MYT1L: variants seen among roughly 807,000 people sequenced by gnomAD.
MYT1L encodes myelin transcription factor 1 like, also known as myelin transcription factor 1-like protein.
MYT1L carries 12 observed loss-of-function variants against 126.7 expected under a neutral mutation model. The observed-to-expected ratio is 0.09, with a 90% CI of 0.06 to 0.15. The LOEUF (loss-of-function observed/expected upper bound fraction) is 0.15, where lower values mean the gene tolerates loss of function less well. MYT1L is among the 10% of genes least tolerant of loss of function. MYT1L has a pLI of 1.00. For missense variants in MYT1L, 979 were observed against 1,585.2 expected, an observed-to-expected ratio of 0.62 and a Z score of 6.49; for synonymous variants, 541 against 604.2, an observed-to-expected ratio of 0.90 and a Z score of 1.53.
At chr2:1,796,065 AT>A (rs2033426176) in intron 23 of MYT1L, among the ~76,000 whole-genome samples, 1 of 152,234 alleles carries the variant, frequency 6.6e-6, no homozygotes, top group African/African-American at 2.4e-5. Context: ...GAATAACAGC[AT>A]TTTGTAACAT....
Position 1,852,710 on chromosome 2 carries a change from CA to C in MYT1L, c.2712-1008del, listed in dbSNP as rs2043431882. Among the ~76,000 whole-genome samples the C allele has an allele frequency of 6.6e-6, 1 of 151,940 alleles. No homozygotes were observed. The highest frequency in any genetic ancestry group is 1.5e-5 in the Non-Finnish European group (1 of 67,974). Reference sequence around the variant, plus strand: ...TATTTCCATTACATTTGTAATTCTCCAAAAATGACAAGGAGAAAGCAACTTA... The same window carrying C: ...TATTTCCATTACATTTGTAATTCTCCAAAATGACAAGGAGAAAGCAACTTA... On this transcript the variant is annotated intron_variant, in intron 18 of 24. Transcript: ENST00000647738. The surrounding 1 kb of genome is among the most constrained non-coding windows in gnomAD (Gnocchi z 4.0).
At chr2:2,266,475 A>C (rs1281236122) in intron 2 of MYT1L, among the ~76,000 whole-genome samples, 2 of 152,182 alleles carry the variant, frequency 1.3e-5, no homozygotes, top group Non-Finnish European at 2.9e-5. Context: ...CCAAAGTAGT[A>C]AAAATATTGA....
At chr2:1,925,825 A>C (rs1005787049) in intron 9 of MYT1L, among the ~76,000 whole-genome samples, 1 of 152,164 alleles carries the variant, frequency 6.6e-6, no homozygotes, top group Non-Finnish European at 1.5e-5. Context: ...TAATTGTGTG[A>C]TGCTGGTGAC....
intron 4 of MYT1L, among the ~76,000 whole-genome samples, chr2:2,037,582 C>A (rs886952372): frequency 1.3e-5 from 2 of 151,580 alleles, no homozygotes; most frequent in Non-Finnish European, 2.9e-5. Context: ...ATGGCGAAAC[C>A]CCATCTCTAC....
In MYT1L at chr2:1,922,846, T is replaced by G. The variant is rs1478122496; in HGVS notation, c.923A>C (p.Asn308Thr). The part of the protein sequence containing the change: ...NYVMLGKPMN[N>T]GLMEKMVEES... ...CTCCACCATCTTTTCCATGAGTCCG[T>G]TGTTCATGGGCTTCCCCAACATGAC... The change falls in exon 10 of 25, where the codon AAC (asparagine) becomes ACC (threonine). Residue 308 changes from asparagine (N) to threonine (T), a missense_variant. Physicochemically the swap from Asn to Thr is moderately conservative, Grantham distance 65. This residue lies in a region of MYT1L where 243 missense variants were observed against 363.9 expected (regional missense o/e 0.67). Transcript: ENST00000647738. This position sits in a 1 kb window ranked among gnomAD's most constrained non-coding sequence, Gnocchi z 7.4. 6.2e-7 allele frequency: 1 copy of G among 1,614,020 alleles called. No individual in the cohort carries two copies. Among genetic ancestry groups the G allele is most frequent in the South Asian group, 1.1e-5 (1 of 91,068 alleles).
chr2:1,933,707 C>T (rs933140412), intron 9 of MYT1L, among the ~76,000 whole-genome samples: 1 of 152,080 alleles, frequency 6.6e-6, no homozygotes, highest in Non-Finnish European at 1.5e-5. Context: ...TGGCAACAGG[C>T]CCAGGACAGG....
chr2:2,121,260 C>G (rs889395441), intron 3 of MYT1L, among the ~76,000 whole-genome samples: 13 of 152,218 alleles, frequency 8.5e-5, no homozygotes, highest in Non-Finnish European at 1.6e-4. Context: ...CAAACTCCAC[C>G]TCCCGGGTCC....
intron 4 of MYT1L, among the ~76,000 whole-genome samples, chr2:2,009,844 A>G (rs1348827179): frequency 6.7e-6 from 1 of 150,312 alleles, no homozygotes; most frequent in African/African-American, 2.4e-5. Context: ...CAGGTTTTAC[A>G]TGATAGCCTT....
At chr2:2,104,879 T>G (rs1020540491) in intron 3 of MYT1L, among the ~76,000 whole-genome samples, 8 of 152,190 alleles carry the variant, frequency 5.3e-5, no homozygotes, top group Admixed American at 1.3e-4. Context: ...AAGTTCTGAA[T>G]CATTAACAGC....
At chr2:2,063,168 C>T (rs767253866) in intron 3 of MYT1L, among the ~76,000 whole-genome samples, 3 of 152,140 alleles carry the variant, frequency 2.0e-5, no homozygotes, top group Admixed American at 6.5e-5. Context: ...TGATTCAACT[C>T]ATCTTCTCCT....
At chr2:2,257,789 A>G (rs13425889) in intron 2 of MYT1L, among the ~76,000 whole-genome samples, 18,356 of 150,890 alleles carry the variant, frequency 0.12, 1,367 homozygotes, top group Non-Finnish European at 0.16. Context: ...GGTAGGAAGA[A>G]TCAATATCGT....
chr2:2,056,556 G>A (rs777645492), intron 3 of MYT1L, among the ~76,000 whole-genome samples: 4 of 152,194 alleles, frequency 2.6e-5, no homozygotes, highest in African/African-American at 4.8e-5. Flanking sequence ...TCCTCACTAG[G>A]TAAAGATTCA....
intron 2 of MYT1L, among the ~76,000 whole-genome samples, chr2:2,229,595 C>CTT (rs987493693): frequency 2.1e-5 from 3 of 143,672 alleles, no homozygotes. Flanking sequence ...GTGGAGATTT[C>CTT]TTTTTTTTTC....
intron 4 of MYT1L, among the ~76,000 whole-genome samples, chr2:2,028,019 C>G (rs1016799619): frequency 5.3e-5 from 8 of 152,212 alleles, no homozygotes; most frequent in Non-Finnish European, 1.2e-4. Context: ...GAGGTGAGTT[C>G]TATCACATGT....
At chr2:2,001,056 T>C (rs1200321293) in intron 4 of MYT1L, among the ~76,000 whole-genome samples, 1 of 152,176 alleles carries the variant, frequency 6.6e-6, no homozygotes, top group African/African-American at 2.4e-5. Context: ...TGTCAACCTT[T>C]TTTCATTCTT....
At chr2:2,084,439 A>C (rs1328764143) in intron 3 of MYT1L, among the ~76,000 whole-genome samples, 6 of 152,216 alleles carry the variant, frequency 3.9e-5, no homozygotes, top group Non-Finnish European at 8.8e-5. Context: ...GTTAGAAAAC[A>C]CTGAGAGCTC....
chr2:1,837,088 C>CTTTTTCCATGT (rs1296786933), intron 21 of MYT1L, among the ~76,000 whole-genome samples: 3 of 149,978 alleles, frequency 2.0e-5, no homozygotes, highest in African/African-American at 7.6e-5. Flanking sequence ...AAGCTCTAAG[C>CTTTTTCCATGT]CCTCCCCCAT....
intron 3 of MYT1L, among the ~76,000 whole-genome samples, chr2:2,162,358 A>G: frequency 6.6e-6 from 1 of 151,056 alleles, no homozygotes; most frequent in Admixed American, 6.6e-5. Context: ...GAGAAAAGGG[A>G]TCGGGTAGTA....
At chr2:2,062,294 A>G (rs1175849175) in intron 3 of MYT1L, among the ~76,000 whole-genome samples, 1 of 152,226 alleles carries the variant, frequency 6.6e-6, no homozygotes, top group Non-Finnish European at 1.5e-5. Flanking sequence ...TGTCCTATGT[A>G]CTTATCATGA....
Sources: allele counts gnomAD v4.1 joint callset (sites outside exome capture counted in the v4.1 genomes callset), GRCh38; gene constraint gnomAD v4.1.1; regional missense constraint gnomAD v4.1.1; non-coding constraint Gnocchi (gnomAD v3.1); transcripts MANE v1.5; gene names NCBI Gene and HGNC (gene_info 2026-07-23, HGNC 2026-07-21).